Variants in BBOX1 observed in about 807,000 individuals in gnomAD.
BBOX1 encodes the protein gamma-butyrobetaine dioxygenase.
In BBOX1, 35 loss-of-function variants were observed where a neutral mutation model predicts 41.6. The ratio of observed to expected loss-of-function variants is 0.84; its 90% CI spans 0.64 to 1.11. BBOX1 has a LOEUF of 1.11. Ranked by LOEUF, BBOX1 falls within the 50% of genes most tolerant of loss-of-function variation. The probability of loss-of-function intolerance (pLI) is 0.00; values close to 1 mark genes in which losing one functional copy is unlikely to be tolerated. For missense variants in BBOX1, 458 were observed against 460.6 expected, an observed-to-expected ratio of 0.99 and a Z score of 0.05; for synonymous variants, 163 against 154.7, an observed-to-expected ratio of 1.05 and a Z score of -0.40.
At chr11:27,069,035 G>A (rs557316258) in intron 4 of BBOX1, among the ~76,000 whole-genome samples, 2 of 151,708 alleles carry the variant, frequency 1.3e-5, no homozygotes, top group Admixed American at 1.3e-4. Context: ...TTTTTTTTAG[G>A]ATTGCTTTGG....
intron 4 of BBOX1, among the ~76,000 whole-genome samples, chr11:27,069,594 C>T (rs996091970): frequency 6.6e-6 from 1 of 152,038 alleles, no homozygotes; most frequent in Non-Finnish European, 1.5e-5. Context: ...CAAGCTATGA[C>T]TTGCAGTACT....
intron 4 of BBOX1, among the ~76,000 whole-genome samples, chr11:27,067,378 G>A (rs1372034410): frequency 1.3e-5 from 2 of 151,658 alleles, no homozygotes; most frequent in East Asian, 3.9e-4. Flanking sequence ...CTCTTCTCAC[G>A]CTCCCACTTC....
At chr11:27,092,003 T>C (rs987662461) in intron 4 of BBOX1, among the ~76,000 whole-genome samples, 4 of 152,048 alleles carry the variant, frequency 2.6e-5, no homozygotes, top group Admixed American at 2.0e-4. Flanking sequence ...AATGTCCTTA[T>C]GCAACTAGCT....
intron 4 of BBOX1, among the ~76,000 whole-genome samples, chr11:27,081,863 A>G (rs1316880958): frequency 2.0e-5 from 3 of 152,132 alleles, no homozygotes; most frequent in Non-Finnish European, 4.4e-5. Flanking sequence ...TCCTTTGAGA[A>G]GTGTCTGTTC....
intron 4 of BBOX1, among the ~76,000 whole-genome samples, chr11:27,063,846 G>A (rs565239047): frequency 2.1e-5 from 3 of 140,070 alleles, no homozygotes; most frequent in South Asian, 2.2e-4. Flanking sequence ...AAATCTATTC[G>A]TCTTGTACAT....
chr11:27,081,741 C>T (rs189854122), intron 4 of BBOX1, among the ~76,000 whole-genome samples: 10 of 152,234 alleles, frequency 6.6e-5, no homozygotes, highest in Non-Finnish European at 1.0e-4. Context: ...TTTTAATGAT[C>T]GCCATTCTAA....
In BBOX1 at chr11:27,124,612, G is replaced by A. The variant is rs188762653; in HGVS notation, c.837-1042G>A. 1.1e-4 allele frequency among the ~76,000 whole-genome samples: 16 copies of A among 152,244 alleles called. 1 individual carries two copies. The highest frequency in any genetic ancestry group is 1.0e-3 in the Admixed American group (16 of 15,302). On this transcript the variant is annotated intron_variant, in intron 7 of 8. Transcript: ENST00000263182. Reference sequence around the variant, plus strand: ...CGCTCACTGCAACCTCTGCCACCTAGGTTCAAGCAGGTGCCTGCCACCACA... The same window carrying A: ...CGCTCACTGCAACCTCTGCCACCTAAGTTCAAGCAGGTGCCTGCCACCACA...
At chr11:27,060,364 G>T (rs1857102174) in intron 4 of BBOX1, among the ~76,000 whole-genome samples, 1 of 152,084 alleles carries the variant, frequency 6.6e-6, no homozygotes, top group South Asian at 2.1e-4. Context: ...CTCCCCAAAA[G>T]CCAAGCAGAT....
intron 4 of BBOX1, among the ~76,000 whole-genome samples, chr11:27,080,998 G>C (rs1012793482): frequency 1.3e-5 from 2 of 152,082 alleles, no homozygotes; most frequent in Admixed American, 6.5e-5. Flanking sequence ...ATATTTTCCA[G>C]ATAAGGAAAC....
chr11:27,117,647 C>T (rs1859314813), intron 6 of BBOX1, among the ~76,000 whole-genome samples: 1 of 151,938 alleles, frequency 6.6e-6, no homozygotes, highest in African/African-American at 2.4e-5. Context: ...AAATTATCTT[C>T]TGTCTTTTAA....
At chr11:27,061,082 A>G (rs539535677) in intron 4 of BBOX1, among the ~76,000 whole-genome samples, 34 of 152,232 alleles carry the variant, frequency 2.2e-4, no homozygotes, top group Admixed American at 1.9e-3. Flanking sequence ...TTATAATCCT[A>G]TTGGATTTTA....
At chr11:27,044,484 T>G (rs1056745396) in intron 2 of BBOX1, among the ~76,000 whole-genome samples, 3 of 152,162 alleles carry the variant, frequency 2.0e-5, no homozygotes, top group African/African-American at 7.2e-5. Flanking sequence ...TTGCTTTTGG[T>G]GTTTTAGTCA....
chr11:27,054,230 T>C (rs909912417), intron 2 of BBOX1, among the ~76,000 whole-genome samples: 1 of 151,372 alleles, frequency 6.6e-6, no homozygotes, highest in African/African-American at 2.4e-5. Flanking sequence ...TGTGTGTGTG[T>C]GTGTGCGTGC....
intron 4 of BBOX1, among the ~76,000 whole-genome samples, chr11:27,064,921 C>G (rs960560365): frequency 6.7e-6 from 1 of 149,258 alleles, no homozygotes; most frequent in African/African-American, 2.4e-5. Context: ...AAAAAAACAA[C>G]AAAAAAAACA....
chr11:27,061,605 G>A (rs184930890), intron 4 of BBOX1, among the ~76,000 whole-genome samples: 71 of 152,232 alleles, frequency 4.7e-4, no homozygotes, highest in African/African-American at 1.6e-3. Flanking sequence ...TTGTTTTTTA[G>A]TCCCAGTAGT....
At chr11:27,117,334 A>G (rs1859304476) in intron 6 of BBOX1, among the ~76,000 whole-genome samples, 1 of 151,968 alleles carries the variant, frequency 6.6e-6, no homozygotes, top group Non-Finnish European at 1.5e-5. Flanking sequence ...AGTATTAGCT[A>G]CGCTAGTCTA....
intron 5 of BBOX1, among the ~76,000 whole-genome samples, chr11:27,101,434 G>T (rs1245739726): frequency 6.6e-6 from 1 of 152,014 alleles, no homozygotes; most frequent in Non-Finnish European, 1.5e-5. Flanking sequence ...AGCAAAATTT[G>T]ACTGCCTCCA....
chr11:27,048,172 A>G (rs1851549152), intron 2 of BBOX1, among the ~76,000 whole-genome samples: 1 of 152,168 alleles, frequency 6.6e-6, no homozygotes, highest in Non-Finnish European at 1.5e-5. Flanking sequence ...AGACAGTATT[A>G]TTAACTATAG....
At chr11:27,104,123 T>C (rs1041442176) in intron 5 of BBOX1, among the ~76,000 whole-genome samples, 1 of 152,178 alleles carries the variant, frequency 6.6e-6, no homozygotes, top group African/African-American at 2.4e-5. Context: ...CTGGTTTGTT[T>C]CTAGAATTCA....
Sources: gnomAD v4.1 joint callset for allele counts (sites outside exome capture counted in the v4.1 genomes callset) on GRCh38, gnomAD v4.1.1 for gene constraint, MANE v1.5 for transcripts, NCBI Gene and HGNC (gene_info 2026-07-23, HGNC 2026-07-21) for gene names.